The following USP35 variants were observed in gnomAD, a reference collection of about 807,000 sequenced individuals.
USP35 encodes the protein ubiquitin specific peptidase 35.
USP35 carries 69 observed loss-of-function variants against 83.8 expected under a neutral mutation model. The observed-to-expected ratio is 0.82, with a 90% confidence interval of 0.68 to 1.01. The LOEUF is 1.01. Among genes scored for constraint, USP35 ranks in the 50% least tolerant of loss-of-function variants. The pLI is 0.00. For missense variants in USP35, 1,503 were observed against 1,362.5 expected (o/e 1.10, Z -1.62); for synonymous variants, 714 against 589.5 (o/e 1.21, Z -3.06).
chr11:78,198,511 C>G (rs929971602), intron 3 of USP35: 2 of 646,972 alleles, frequency 3.1e-6, no homozygotes, highest in Non-Finnish European at 3.8e-6. Context: ...TCTGAACGTC[C>G]TCCTCCCTGT....
chr11:78,197,287 C>T (rs2137029850), intron 2 of USP35, among the ~76,000 whole-genome samples: 1 of 151,452 alleles, frequency 6.6e-6, no homozygotes, highest in South Asian at 2.1e-4. Context: ...TTGATAGAAG[C>T]TATCACTTTA....
chr11:78,205,674 G>A (rs1038326009), intron 6 of USP35, among the ~76,000 whole-genome samples, 168 bp from the exon 7 acceptor site: 5 of 152,204 alleles, frequency 3.3e-5, no homozygotes, highest in African/African-American at 1.2e-4. Context: ...AACTGAAGGG[G>A]TTTGGAAGCA....
chr11:78,197,258 G>T (rs960680813), intron 2 of USP35, among the ~76,000 whole-genome samples: 1 of 151,200 alleles, frequency 6.6e-6, no homozygotes, highest in African/African-American at 2.4e-5. Context: ...GGTCATTATG[G>T]TCTTCGGGTC....
At position 78,214,488 on chromosome 11, in the gene USP35, T is replaced by G. The variant is rs2134431973; in HGVS notation, c.*675T>G. On this transcript the variant is annotated 3_prime_UTR_variant, in exon 11 of 11. Transcript: ENST00000529308. ...GCCACCACTTGTATCCCCCTTGTGG[T>G]TAGAGTCCTGATTTTACTGCAAAGG... The G allele has an allele frequency of 7.1e-6, 1 of 141,774 alleles. No individual in the cohort carries two copies. The highest frequency in any genetic ancestry group is 2.3e-4 in the South Asian group (1 of 4,346). The allele number at this position is 141,774 out of a possible 1,614,324, so 8.8% of individuals were successfully genotyped here.
chr11:78,219,775 A>C (rs1312143386), downstream of USP35, among the ~76,000 whole-genome samples: 1 of 152,152 alleles, frequency 6.6e-6, no homozygotes, highest in Non-Finnish European at 1.5e-5. Flanking sequence ...GCTAGGTGCA[A>C]ACAAACATCA....
chr11:78,233,040 G>GTTTTTTTTTTTTTTTTTTTTTTT, the USP35 span, among the ~76,000 whole-genome samples: 3 of 132,006 alleles, frequency 2.3e-5, no homozygotes, highest in African/African-American at 9.0e-5. Flanking sequence ...GCACTGTTAA[G>GTTTTTTTTTTTTTTTTTTTTTTT]TTTTTTTTTT....
chr11:78,220,885 G>C, the USP35 span, among the ~76,000 whole-genome samples: 1 of 152,152 alleles, frequency 6.6e-6, no homozygotes, highest in Non-Finnish European at 1.5e-5. Context: ...TTATGCACTG[G>C]AAAGTTTTCT....
At chr11:78,194,670 G>A (rs902708815) in intron 1 of USP35, among the ~76,000 whole-genome samples, 2 of 152,174 alleles carry the variant, frequency 1.3e-5, no homozygotes, top group African/African-American at 2.4e-5. Flanking sequence ...CAGGAAACAG[G>A]CCAGGTGGAG....
At chr11:78,195,829 C>CT (rs1863125145) in intron 1 of USP35, among the ~76,000 whole-genome samples, 1 of 152,180 alleles carries the variant, frequency 6.6e-6, no homozygotes, top group African/African-American at 2.4e-5. Flanking sequence ...CTCCCAGGCC[C>CT]AAGCGAGCCT....
chr11:78,203,806 CTGATCTTG>C (rs1863437947), intron 6 of USP35, among the ~76,000 whole-genome samples: 1 of 151,082 alleles, frequency 6.6e-6, no homozygotes, highest in Admixed American at 6.6e-5. Flanking sequence ...TCTCGATCTT[CTGATCTTG>C]TGATCCAGCC....
chr11:78,195,632 A>G (rs1863119725), intron 1 of USP35, among the ~76,000 whole-genome samples: 1 of 152,184 alleles, frequency 6.6e-6, no homozygotes, highest in Non-Finnish European at 1.5e-5. Flanking sequence ...GGACAGGGTC[A>G]CCAGGGAGGT....
At chr11:78,190,552 G>T (rs1813376149) in intron 1 of USP35, among the ~76,000 whole-genome samples, 1 of 152,202 alleles carries the variant, frequency 6.6e-6, no homozygotes, top group Non-Finnish European at 1.5e-5. Flanking sequence ...TCAGTCCTTG[G>T]TTCTGTACTG....
chr11:78,228,990 T>C, the USP35 span, among the ~76,000 whole-genome samples: 4 of 152,222 alleles, frequency 2.6e-5, no homozygotes, highest in Non-Finnish European at 4.4e-5. Context: ...AATTTCCATC[T>C]GGGCCAGGCA....
rs761080963 is a variant in USP35 at position 78,209,596 on chromosome 11, C to T, written c.1741C>T (p.Leu581Phe). Residue 581 changes from leucine to phenylalanine, a missense_variant, in exon 10 of 11, where the codon CTC becomes TTC. Transcript: ENST00000529308. Reference protein sequence around the residue: ...GGKIVTRICCLCCLNVSSREE... With the variant: ...GGKIVTRICCFCCLNVSSREE... ...CAAGATAGTGACTCGGATCTGCTGT[C>T]TCTGCTGCCTCAACGTCTCCTCCCG... 2.8e-5 allele frequency: 45 copies of T among 1,614,062 alleles called. No individual in the cohort carries two copies. In the African/African-American group the frequency reaches 5.9e-4, roughly 21 times the overall value.
chr11:78,220,252 G>C, the USP35 span: 4 of 1,572,826 alleles, frequency 2.5e-6, no homozygotes, highest in Non-Finnish European at 3.5e-6. Context: ...AGGCACCCTG[G>C]CCTCCATGAT....
chr11:78,205,717 T>G (rs1346835341), intron 6 of USP35, 125 bp from the exon 7 acceptor site: 21 of 992,476 alleles, frequency 2.1e-5, no homozygotes, highest in East Asian at 2.0e-4. Flanking sequence ...AGAACATCTG[T>G]GGGGGGGTGT....
At chr11:78,207,464 C>A in intron 7 of USP35, 66 bp from the exon 8 acceptor site, 1 of 1,525,932 alleles carries the variant, frequency 6.6e-7, no homozygotes, top group Non-Finnish European at 9.0e-7. Context: ...CTGCCTGTGA[C>A]ATGGGTGACT....
chr11:78,209,554 G>T lies in USP35; in HGVS notation c.1699G>T (p.Glu567Ter). ...CCCGGCCCCAAGTTCAACCTCTGTG[G>T]AAAAAATGTTTGGAGGCAAGATAGT... ...EPPAPSSTSVEKMFGGKIVTR... is the reference protein window; with the variant it reads ...EPPAPSSTSV Residue 567 changes from glutamate (E) to a stop codon, truncating the protein, a stop_gained, in exon 10 of 11, where the codon GAA (glutamate) becomes TAA (stop). Coordinates refer to ENST00000529308, the MANE Select transcript of USP35 (RefSeq NM_020798.4). LOFTEE classifies it high-confidence loss of function. The T allele has an allele frequency of 1.9e-6, 3 of 1,614,060 alleles. No individual in the cohort carries two copies. In the South Asian group the frequency reaches 3.3e-5, roughly 18 times the overall value.
Position 78,205,704 on chromosome 11 carries a change from C to T in USP35, c.1198-138C>T, listed in dbSNP as rs1217497457. The T allele has an allele frequency of 3.3e-6, 3 of 920,464 alleles. No individual in the cohort carries two copies. In the East Asian group the frequency reaches 7.8e-5, roughly 24 times the overall value. The allele number at this position is 920,464 out of a possible 1,614,324, so 57.0% of individuals were successfully genotyped here. On this transcript the variant is annotated intron_variant, in intron 6 of 10. Transcript: ENST00000529308. ...GAAGCAGGGGGCTGTTCACACACAC[C>T]CCAGAACATCTGTGGGGGGGTGTGC...
Sources: allele counts gnomAD v4.1 joint callset (sites outside exome capture counted in the v4.1 genomes callset), GRCh38; gene constraint gnomAD v4.1.1; transcripts MANE v1.5; gene names NCBI Gene and HGNC (gene_info 2026-07-23, HGNC 2026-07-21).